The following ATG7 variants were observed in gnomAD, a reference collection of about 807,000 sequenced individuals.
The protein encoded by ATG7 is autophagy related 7, also known as ubiquitin-like modifier-activating enzyme ATG7.
Under a neutral mutation model 82.4 loss-of-function variants are expected in ATG7, and 70 were observed. The ratio of observed to expected loss-of-function variants is 0.85; its 90% CI spans 0.70 to 1.04. ATG7 has a LOEUF of 1.04. Ranked by LOEUF, ATG7 falls within the 50% of genes least tolerant of loss-of-function variation. The probability of loss-of-function intolerance (pLI) is 0.00; values close to 1 mark genes in which losing one functional copy is unlikely to be tolerated. For missense variants in ATG7, 792 were observed against 864.3 expected (o/e 0.92, Z 1.05); for synonymous variants, 287 against 313.0 (o/e 0.92, Z 0.88).
At chr3:11,443,532 A>G (rs2084204098) in intron 20 of ATG7, among the ~76,000 whole-genome samples, 1 of 152,084 alleles carries the variant, frequency 6.6e-6, no homozygotes, top group Non-Finnish European at 1.5e-5. Flanking sequence ...GGCCACAGGC[A>G]TGTGTCACTA....
intron 20 of ATG7, among the ~76,000 whole-genome samples, chr3:11,480,382 T>G (rs1036732893): frequency 6.6e-6 from 1 of 151,876 alleles, no homozygotes; most frequent in African/African-American, 2.4e-5. Flanking sequence ...ACAAAAACAT[T>G]TAAGATTGGC....
chr3:11,562,970 A>G, the ATG7 span, among the ~76,000 whole-genome samples: 1,936 of 152,374 alleles, frequency 0.013, 52 homozygotes, highest in African/African-American at 0.044. Context: ...GGCCCATTCC[A>G]GGCTGGGGAG....
At chr3:11,533,258 G>GT (rs1289102629) in intron 20 of ATG7, among the ~76,000 whole-genome samples, 1 of 152,144 alleles carries the variant, frequency 6.6e-6, no homozygotes, top group Non-Finnish European at 1.5e-5. Context: ...ATCACCGTGA[G>GT]TGTTCATTTA....
intron 15 of ATG7, among the ~76,000 whole-genome samples, chr3:11,360,191 G>A (rs1161241317): frequency 7.9e-5 from 12 of 152,144 alleles, no homozygotes; most frequent in African/African-American, 4.8e-5. Context: ...GACTACTGGC[G>A]CAAGCCATCA....
intron 19 of ATG7, among the ~76,000 whole-genome samples, chr3:11,409,580 T>C (rs1239496497): frequency 6.6e-6 from 1 of 151,830 alleles, no homozygotes; most frequent in Non-Finnish European, 1.5e-5. Context: ...CATAAGTTGA[T>C]GAGCATCTGT....
At chr3:11,362,712 G>C in intron 16 of ATG7, 101 bp from the exon 17 acceptor site, 1 of 893,708 alleles carries the variant, frequency 1.1e-6, no homozygotes, top group Non-Finnish European at 1.7e-6. Flanking sequence ...TGAGCATCTG[G>C]TTATAATTTA....
chr3:11,575,911 C>A, the ATG7 span, among the ~76,000 whole-genome samples: 6 of 152,326 alleles, frequency 3.9e-5, no homozygotes, highest in East Asian at 1.2e-3. Context: ...AGAGGCGGGA[C>A]TCACGGAAAT....
chr3:11,405,304 G>A (rs2080224297), intron 19 of ATG7, among the ~76,000 whole-genome samples: 1 of 152,048 alleles, frequency 6.6e-6, no homozygotes, highest in Non-Finnish European at 1.5e-5. Context: ...CTGACTATTG[G>A]GCTGCCGGTT....
At chr3:11,284,077 C>G (rs1214694324) in intron 3 of ATG7, among the ~76,000 whole-genome samples, 1 of 152,176 alleles carries the variant, frequency 6.6e-6, no homozygotes, top group East Asian at 1.9e-4. Context: ...CTAGCTTCCC[C>G]TAAAGACAGG....
chr3:11,364,773 CA>C lies in ATG7; in HGVS notation c.1875+40del, dbSNP rs745322671. Reference sequence around the variant, plus strand: ...AAGTGAAATCACAATTCTTTTGGTACAGGGGGAAAGCATGTGGGGTCTCTTT... The same window carrying C: ...AAGTGAAATCACAATTCTTTTGGTACGGGGGAAAGCATGTGGGGTCTCTTT... On this transcript the variant is annotated intron_variant, in intron 18 of 20. Coordinates refer to ENST00000693202, the MANE Select transcript of ATG7 (RefSeq NM_001349232.2). The C allele has an allele frequency of 1.5e-5, 24 of 1,605,742 alleles. No individual in the cohort carries two copies. The South Asian group carries it at 2.2e-4, about 15-fold the overall frequency.
chr3:11,360,536 A>G (rs772198556), intron 15 of ATG7, 45 bp from the exon 16 acceptor site: 6 of 1,564,440 alleles, frequency 3.8e-6, no homozygotes, highest in African/African-American at 2.7e-5. Context: ...AGCTTGAAAT[A>G]TATGTGTCTT....
chr3:11,389,265 AAG>A (rs2078584205), intron 19 of ATG7, among the ~76,000 whole-genome samples: 1 of 150,598 alleles, frequency 6.6e-6, no homozygotes, highest in South Asian at 2.1e-4. Context: ...AAAGATGTGA[AAG>A]AACTGTTTGA....
chr3:11,465,088 A>AGTGTGTGTGTGTGT (rs55999171), intron 20 of ATG7, among the ~76,000 whole-genome samples: 24 of 147,328 alleles, frequency 1.6e-4, no homozygotes, highest in African/African-American at 5.5e-4. Context: ...AAAAACCTAA[A>AGTGTGTGTGTGTGT]GTGTGTGTGT....
rs772842359 is a variant in ATG7 at position 11,512,112 on chromosome 3, C to T, written c.2080-42699C>T. Among the ~76,000 whole-genome samples, 62 of 152,184 alleles carry T rather than the reference C, an allele frequency of 4.1e-4. 1 individual carries two copies. The highest frequency in any genetic ancestry group is 1.2e-4 in the Non-Finnish European group (8 of 68,028). ...GTGGGAGCCCAGGCAGGGGAGGTGC[C>T]AAGAGCAAGCGAGGGCTCTGAGGAC... On this transcript the variant is annotated intron_variant, in intron 20 of 20. Coordinates refer to ENST00000693202, the MANE Select transcript of ATG7 (RefSeq NM_001349232.2).
chr3:11,420,779 CAG>C (rs1218191163), intron 19 of ATG7, among the ~76,000 whole-genome samples: 2 of 119,990 alleles, frequency 1.7e-5, no homozygotes, highest in Non-Finnish European at 3.3e-5. Flanking sequence ...TTTTTTGAGA[CAG>C]AGTCTCACTT....
intron 4 of ATG7, 192 bp downstream of exon 4, chr3:11,299,047 G>C: frequency 1.5e-6 from 1 of 673,542 alleles, no homozygotes; most frequent in South Asian, 2.2e-5. Flanking sequence ...TGGGGAAAAA[G>C]AAAGAGAGTA....
At chr3:11,439,879 G>T (rs1243675969) in intron 20 of ATG7, among the ~76,000 whole-genome samples, 1 of 152,178 alleles carries the variant, frequency 6.6e-6, no homozygotes, top group African/African-American at 2.4e-5. Context: ...TTTTGTACCT[G>T]CCCTTTTGAT....
chr3:11,536,840 G>A (rs1434687077), intron 20 of ATG7, among the ~76,000 whole-genome samples: 9 of 152,144 alleles, frequency 5.9e-5, no homozygotes, highest in Admixed American at 1.3e-4. Flanking sequence ...CAGCTGTGTA[G>A]GGTGAACTTA....
chr3:11,325,539 C>T (rs576330804), intron 9 of ATG7, among the ~76,000 whole-genome samples: 9 of 152,128 alleles, frequency 5.9e-5, no homozygotes, highest in Admixed American at 2.6e-4. Flanking sequence ...GGTGTGGTGG[C>T]GCATGCCTGT....
Sources: gnomAD v4.1 joint callset for allele counts (sites outside exome capture counted in the v4.1 genomes callset) on GRCh38, gnomAD v4.1.1 for gene constraint, MANE v1.5 for transcripts, NCBI Gene and HGNC (gene_info 2026-07-23, HGNC 2026-07-21) for gene names.